The following INO80 variants were observed in gnomAD, a reference collection of about 807,000 sequenced individuals.
INO80 encodes INO80 complex ATPase subunit, also known as chromatin-remodeling ATPase INO80.
In INO80, 20 loss-of-function variants were observed where a neutral mutation model predicts 203.4. The ratio of observed to expected loss-of-function variants is 0.10; its 90% CI spans 0.07 to 0.14. INO80 has a LOEUF of 0.14. INO80 is among the 10% of genes least tolerant of loss of function. The pLI, the probability that INO80 is intolerant of heterozygous loss-of-function variation, is 1.00. For missense variants in INO80, 1,419 were observed against 1,914.4 expected, an observed-to-expected ratio of 0.74 and a Z score of 4.83; for synonymous variants, 726 against 685.2, an observed-to-expected ratio of 1.06 and a Z score of -0.93.
rs559383660 is a variant in INO80 at position 41,072,516 on chromosome 15, C to T, written c.1396-458G>A. On this transcript the variant is annotated intron_variant, in intron 11 of 35. Transcript: ENST00000648947. ...CGGGCGGATCACGAGGTCAGGAGAT[C>T]GAGACCATCCTGGCCAACATGGTGA... Among the ~76,000 whole-genome samples the T allele has an allele frequency of 2.8e-4, 43 of 151,166 alleles. 1 individual carries two copies. Among genetic ancestry groups the T allele is most frequent in the African/African-American group, 9.5e-4 (39 of 41,266 alleles).
intron 1 of INO80, among the ~76,000 whole-genome samples, chr15:41,109,978 C>T (rs1220909930): frequency 9.3e-5 from 14 of 150,638 alleles, no homozygotes; most frequent in Admixed American, 6.0e-4. Flanking sequence ...GGCTGTAATC[C>T]CAGCTGCTGG....
At chr15:41,086,200 G>T (rs1009194975) in intron 6 of INO80, among the ~76,000 whole-genome samples, 1 of 152,012 alleles carries the variant, frequency 6.6e-6, no homozygotes, top group Admixed American at 6.6e-5. Flanking sequence ...TAAAAGAGAA[G>T]AAAAAGACAT....
chr15:41,111,206 G>A lies in INO80; in HGVS notation c.-44+4767C>T, dbSNP rs570767321. 1.2e-4 allele frequency among the ~76,000 whole-genome samples: 18 copies of A among 152,340 alleles called. No individual in the cohort carries two copies. In the South Asian group the frequency reaches 3.7e-3, roughly 32 times the overall value. ...CACGCCTATAATCCTAGCACTTTGG[G>A]AGGTAGAGGCAGGCAAATCACCTGA... On this transcript the variant is annotated intron_variant, in intron 1 of 35. Coordinates refer to ENST00000648947, the MANE Select transcript of INO80 (RefSeq NM_017553.3).
chr15:41,100,570 T>C (rs1024510228), intron 1 of INO80, among the ~76,000 whole-genome samples: 14 of 152,186 alleles, frequency 9.2e-5, no homozygotes, highest in African/African-American at 3.4e-4. Flanking sequence ...TCACCACTGA[T>C]GGCTGAAATG....
In INO80 at chr15:41,027,686, C is replaced by A. The variant is rs758299239; in HGVS notation, c.2958G>T (p.Gln986His). ...TAGCTGATCTCCGCTGATGGACAAC[C>A]TGGTCTGAGTAGCCACTCACTGCTT... ...HCKAVSGYSD[Q>H]VVHQRRSATS... The change falls in exon 25 of 36, where the codon CAG becomes CAT. Residue 986 changes from glutamine (Q) to histidine (H), a missense_variant. By Grantham distance (24) the Gln-to-His change is conservative (BLOSUM62 0). This residue lies in a region of INO80 where 302 missense variants were observed against 345.4 expected (regional missense o/e 0.87). Coordinates refer to ENST00000648947, the MANE Select transcript of INO80 (RefSeq NM_017553.3). 3 of 1,613,438 alleles carry A rather than the reference C, an allele frequency of 1.9e-6. No homozygotes were observed. The highest frequency in any genetic ancestry group is 2.2e-5 in the East Asian group (1 of 44,876).
At chr15:41,010,545 A>G (rs541876842) in intron 27 of INO80, among the ~76,000 whole-genome samples, 1 of 152,202 alleles carries the variant, frequency 6.6e-6, no homozygotes, top group South Asian at 2.1e-4. Context: ...ACTCAAGCAG[A>G]TTGGTTCCAG....
chr15:41,103,456 C>A (rs1179619746), intron 1 of INO80, among the ~76,000 whole-genome samples: 1 of 152,178 alleles, frequency 6.6e-6, no homozygotes, highest in Admixed American at 6.6e-5. Context: ...GTGGCGCGAT[C>A]TCAGCTCACT....
intron 14 of INO80, among the ~76,000 whole-genome samples, chr15:41,060,592 A>T (rs559160432): frequency 6.6e-6 from 1 of 152,122 alleles, no homozygotes; most frequent in African/African-American, 2.4e-5. Context: ...AGACATAGAG[A>T]ACAAAAATTG....
At position 40,984,242 on chromosome 15, in the gene INO80, G is replaced by A. The variant is rs749465347; in HGVS notation, c.4032C>T (p.Asp1344=). The part of the protein sequence containing the change: ...DNSNLSADGD[D]SFISVDSAMP... ...TGGCTGAGTCCACGCTAATGAAGGA[G>A]TCATCTCCGTCAGCAGAGAGGTTGG... Residue 1344 remains aspartate (D), a synonymous_variant, in exon 33 of 36, where the codon GAC becomes GAT. Coordinates refer to ENST00000648947, the MANE Select transcript of INO80 (RefSeq NM_017553.3). The A allele has an allele frequency of 9.9e-6, 16 of 1,613,762 alleles. No homozygotes were observed. The East Asian group carries it at 3.1e-4, about 31-fold the overall frequency.
intron 24 of INO80, among the ~76,000 whole-genome samples, chr15:41,037,558 G>A (rs1255819856): frequency 6.6e-6 from 1 of 152,098 alleles, no homozygotes; most frequent in African/African-American, 2.4e-5. Context: ...TAGTTGTTCT[G>A]GACATTTTAA....
rs1481984518 is a variant in INO80 at position 41,069,589 on chromosome 15, C to A, written c.1763G>T (p.Arg588Ile). ...ATTTACCTTAAATTTAGGAACAAAT[C>A]TAGTAAACTCCTGGTGCCAATTGTT... ...TLNNWHQEFT[R>I]FVPKFKVLPY... The change falls in exon 14 of 36, where the codon AGA (arginine) becomes ATA (isoleucine). Residue 588 changes from arginine (R) to isoleucine (I), a missense_variant. Arg to Ile is a moderately conservative substitution (Grantham distance 97, BLOSUM62 -3). Transcript: ENST00000648947. 6.2e-7 allele frequency: 1 copy of A among 1,600,328 alleles called. No homozygotes were observed. The highest frequency in any genetic ancestry group is 1.7e-5 in the Admixed American group (1 of 59,240).
chr15:41,017,606 G>C (rs1161504753), intron 26 of INO80: 3 of 152,204 alleles, frequency 2.0e-5, no homozygotes, highest in Non-Finnish European at 4.4e-5. Flanking sequence ...TTGTATACAA[G>C]GAACAAGAAC....
intron 15 of INO80, among the ~76,000 whole-genome samples, chr15:41,059,001 G>T (rs747472990): frequency 6.6e-6 from 1 of 152,112 alleles, no homozygotes; most frequent in Non-Finnish European, 1.5e-5. Flanking sequence ...ACCCAGACTA[G>T]AGTCCAGCAG....
chr15:41,088,847 C>T (rs1314103108), intron 5 of INO80, among the ~76,000 whole-genome samples: 1 of 152,126 alleles, frequency 6.6e-6, no homozygotes, highest in Non-Finnish European at 1.5e-5. Flanking sequence ...AGTCTGATAA[C>T]TTTCCTATAT....
Position 41,030,589 on chromosome 15 carries a change from T to C in INO80, c.2908-2853A>G, listed in dbSNP as rs189738789. ...GTTGGCCAGGCTGGTCTTGAACTCC[T>C]GGCCACAAGTGATCCCCTCTCCTCA... is the stretch of plus-strand genomic sequence containing the variant. On this transcript the variant is annotated intron_variant, in intron 24 of 35. Transcript: ENST00000648947. Among the ~76,000 whole-genome samples, 6 of 152,298 alleles carry C rather than the reference T, an allele frequency of 3.9e-5. No individual in the cohort carries two copies. In the East Asian group the frequency reaches 1.2e-3, roughly 29 times the overall value.
chr15:41,020,094 G>A (rs1054281186), intron 26 of INO80, among the ~76,000 whole-genome samples: 3 of 152,068 alleles, frequency 2.0e-5, no homozygotes, highest in Admixed American at 6.5e-5. Flanking sequence ...GGTGGTGGGC[G>A]CCTGTAGTCC....
chr15:41,058,190 T>C (rs1284485923), intron 16 of INO80, among the ~76,000 whole-genome samples: 3 of 152,134 alleles, frequency 2.0e-5, no homozygotes, highest in African/African-American at 4.8e-5. Context: ...CTATAGAAAT[T>C]TTCCCTGAAG....
At chr15:40,987,575 C>T (rs969665603) in intron 30 of INO80, among the ~76,000 whole-genome samples, 1 of 152,198 alleles carries the variant, frequency 6.6e-6, no homozygotes, top group Non-Finnish European at 1.5e-5. Context: ...TCAGTCTCCA[C>T]ATGAACAACA....
In INO80 at chr15:41,085,577, A is replaced by C. The variant is rs1048454621; in HGVS notation, c.665T>G (p.Leu222Trp). The change falls in exon 7 of 36, where the codon TTG (leucine) becomes TGG (tryptophan). Residue 222 changes from leucine to tryptophan, a missense_variant. Physicochemically the swap from Leu to Trp is moderately conservative, Grantham distance 61. Around this residue, in one of 9 missense-constraint regions of INO80, gnomAD observed 323 missense variants for 325.4 expected, o/e 0.99. Transcript: ENST00000648947. Reference protein sequence around the residue: ...FKEEKKLKAKLKKVKKKRRRD... With the variant: ...FKEEKKLKAKWKKVKKKRRRD... ...TCGTCTTTTTTTCTTCACTTTTTTC[A>C]ACTTAGCTGCAAAAGAAACAGATGC... 12 of 1,613,522 alleles carry C rather than the reference A, an allele frequency of 7.4e-6. No individual in the cohort carries two copies. The highest frequency in any genetic ancestry group is 1.0e-5 in the Non-Finnish European group (12 of 1,179,826).
Sources: gnomAD v4.1 joint callset for allele counts (sites outside exome capture counted in the v4.1 genomes callset) on GRCh38, gnomAD v4.1.1 for gene constraint, gnomAD v4.1.1 regional missense constraint, MANE v1.5 for transcripts, NCBI Gene and HGNC (gene_info 2026-07-23, HGNC 2026-07-21) for gene names.